The following AP2A2 variants were observed in gnomAD, a reference collection of about 807,000 sequenced individuals.
The protein encoded by AP2A2 is AP-2 complex subunit alpha-2.
AP2A2 carries 32 observed loss-of-function variants against 104.2 expected under a neutral mutation model. The ratio of observed to expected loss-of-function variants is 0.31; its 90% CI spans 0.23 to 0.41. The LOEUF is 0.41. Among genes scored for constraint, AP2A2 ranks in the 10% least tolerant of loss-of-function variants. The pLI is 1.00. For missense variants in AP2A2, 912 were observed against 1,261.0 expected, an observed-to-expected ratio of 0.72 and a Z score of 4.19; for synonymous variants, 539 against 533.3, an observed-to-expected ratio of 1.01 and a Z score of -0.15.
chr11:981,866 G>A (rs949229297), intron 6 of AP2A2, among the ~76,000 whole-genome samples: 1 of 152,244 alleles, frequency 6.6e-6, no homozygotes, highest in Non-Finnish European at 1.5e-5. Flanking sequence ...TGGTTTCCAT[G>A]TGCACGAGAT....
chr11:1,007,871 G>A, intron 17 of AP2A2, 141 bp from the exon 18 acceptor site: 1 of 1,225,914 alleles, frequency 8.2e-7, no homozygotes, highest in Non-Finnish European at 1.2e-6. Context: ...GCCGGGTGGT[G>A]TGGCTGCCCT....
chr11:939,170 G>A lies in AP2A2; in HGVS notation c.67+13082G>A, dbSNP rs185375779. On this transcript the variant is annotated intron_variant, in intron 1 of 21. Transcript: ENST00000448903. Reference sequence around the variant, plus strand: ...GGAGGCTGAGGCAGCAGAATCACTCGAACCCGGGAGGTGGAGGTTGCAGTG... The same window carrying A: ...GGAGGCTGAGGCAGCAGAATCACTCAAACCCGGGAGGTGGAGGTTGCAGTG... Among the ~76,000 whole-genome samples, 309 of 146,918 alleles carry A rather than the reference G, an allele frequency of 2.1e-3. 1 individual carries two copies. The highest frequency in any genetic ancestry group is 7.0e-3 in the African/African-American group (278 of 39,610).
At chr11:926,288 C>A (rs1431163591) in intron 1 of AP2A2, among the ~76,000 whole-genome samples, 200 bp downstream of exon 1, 3 of 130,262 alleles carry the variant, frequency 2.3e-5, no homozygotes, top group Non-Finnish European at 4.9e-5. Context: ...GGGTGGGGGT[C>A]CAGGGTCTGG....
At chr11:951,482 G>A (rs1363523447) in intron 1 of AP2A2, among the ~76,000 whole-genome samples, 3 of 151,526 alleles carry the variant, frequency 2.0e-5, no homozygotes, top group South Asian at 2.1e-4. Context: ...AGCCGAGATC[G>A]TGCCACCACA....
chr11:953,549 C>CG (rs1056607540), intron 1 of AP2A2, among the ~76,000 whole-genome samples: 1 of 111,612 alleles, frequency 9.0e-6, no homozygotes, highest in African/African-American at 2.9e-5. Context: ...GTAAGAGCCC[C>CG]CCCCCCCCAT....
Position 981,494 on chromosome 11 carries a change from G to T in AP2A2, c.705+195G>T, listed in dbSNP as rs564117947. 1.1e-4 allele frequency: 65 copies of T among 568,472 alleles called. No individual in the cohort carries two copies. In the South Asian group the frequency reaches 1.2e-3, roughly 10 times the overall value. 35.2% of individuals were successfully genotyped at this position (568,472 alleles called of 1,614,324 possible). A position where few individuals can be genotyped will look rare whatever the true frequency, so the allele number is the denominator to read the frequency against. On this transcript the variant is annotated intron_variant, in intron 6 of 21. Coordinates refer to ENST00000448903, the MANE Select transcript of AP2A2 (RefSeq NM_012305.4). ...AAGCACAGCTCCCTGTTCCCATGGT[G>T]TGAGTGAGCACCCAACACCATGTGG... is the stretch of plus-strand genomic sequence containing the variant.
intron 5 of AP2A2, among the ~76,000 whole-genome samples, chr11:979,320 C>A (rs1156752629): frequency 6.6e-6 from 1 of 151,378 alleles, no homozygotes; most frequent in Non-Finnish European, 1.5e-5. Flanking sequence ...TACAGACCTG[C>A]AGTTTCTTAC....
chr11:928,255 C>G (rs534628791), intron 1 of AP2A2, among the ~76,000 whole-genome samples: 1 of 152,274 alleles, frequency 6.6e-6, no homozygotes, highest in African/African-American at 2.4e-5. Context: ...TTTAAAGAGA[C>G]CACATTCATA....
intron 6 of AP2A2, 117 bp downstream of exon 6, chr11:981,416 C>T (rs1855236198): frequency 3.4e-6 from 3 of 873,238 alleles, no homozygotes; most frequent in Non-Finnish European, 5.4e-6. Flanking sequence ...GGGATGAAAA[C>T]CAACTTGGCT....
At chr11:947,145 G>C (rs1300148501) in intron 1 of AP2A2, among the ~76,000 whole-genome samples, 1 of 151,840 alleles carries the variant, frequency 6.6e-6, no homozygotes, top group Non-Finnish European at 1.5e-5. Context: ...TGAGTAGCTG[G>C]GATTACAGAC....
intron 14 of AP2A2, chr11:995,405 C>T (rs546379725): frequency 1.1e-5 from 5 of 455,836 alleles, no homozygotes; most frequent in African/African-American, 4.0e-5. Flanking sequence ...CCCCTCTGCA[C>T]TGTCAGGGAG....
At chr11:985,745 G>A in intron 8 of AP2A2, 163 bp downstream of exon 8, 1 of 1,024,886 alleles carries the variant, frequency 9.8e-7, no homozygotes, top group Admixed American at 2.6e-5. Flanking sequence ...TTTCTGTGCA[G>A]CCCGGCCCCT....
In AP2A2 at chr11:1,010,713, G is replaced by A. The variant is rs781444839; in HGVS notation, c.*88G>A. The stretch of plus-strand genomic sequence containing the variant: ...CGTGGCCATCCTGCAGATGAGCACC[G>A]TGTCCAGTGCCACAGCACAAGGCGC... On this transcript the variant is annotated 3_prime_UTR_variant, in exon 22 of 22. Coordinates refer to ENST00000448903, the MANE Select transcript of AP2A2 (RefSeq NM_012305.4). The A allele has an allele frequency of 1.4e-5, 16 of 1,109,324 alleles. No homozygotes were observed. Among genetic ancestry groups the A allele is most frequent in the African/African-American group, 1.2e-4 (8 of 64,302 alleles). The allele number at this position is 1,109,324 out of a possible 1,614,324, so 68.7% of individuals were successfully genotyped here.
intron 18 of AP2A2, chr11:1,008,484 C>T: frequency 3.7e-6 from 1 of 268,804 alleles, no homozygotes; most frequent in Non-Finnish European, 7.0e-6. Flanking sequence ...GTGCAGGCAG[C>T]TGGTTTCCTT....
chr11:949,591 A>C (rs190961316), intron 1 of AP2A2, among the ~76,000 whole-genome samples: 9 of 152,218 alleles, frequency 5.9e-5, no homozygotes, highest in Non-Finnish European at 1.2e-4. Context: ...CCTGGCCAAC[A>C]TGGTGAAACC....
Position 972,208 on chromosome 11 carries a change from G to A in AP2A2, c.426G>A (p.Glu142=), listed in dbSNP as rs1351568821. Residue 142 remains glutamate (E), a synonymous_variant, in exon 4 of 22, where the codon GAG becomes GAA. Transcript: ENST00000448903. ...LHCIASVGSR[E]MAEAFAGEIP... is the part of the protein sequence containing the mutation. ...GCATCGCCAGCGTGGGCAGCCGGGA[G>A]ATGGCCGAGGCCTTCGCCGGGGAGA... 1 of 1,610,892 alleles carries A rather than the reference G, an allele frequency of 6.2e-7. No individual in the cohort carries two copies. Among genetic ancestry groups the A allele is most frequent in the Non-Finnish European group, 8.5e-7 (1 of 1,179,456 alleles).
chr11:988,315 G>A (rs1855530108), intron 9 of AP2A2, among the ~76,000 whole-genome samples: 1 of 152,266 alleles, frequency 6.6e-6, no homozygotes, highest in Admixed American at 6.5e-5. Context: ...AATCCAGGCA[G>A]TGCGCTGGGT....
chr11:957,408 C>G (rs1003298239), intron 1 of AP2A2, among the ~76,000 whole-genome samples: 1 of 152,204 alleles, frequency 6.6e-6, no homozygotes, highest in Non-Finnish European at 1.5e-5. Flanking sequence ...TGTGCAGATT[C>G]TTCCCGGCCT....
At chr11:980,917 T>C (rs1362350816) in intron 5 of AP2A2, among the ~76,000 whole-genome samples, 2 of 152,240 alleles carry the variant, frequency 1.3e-5, no homozygotes, top group African/African-American at 4.8e-5. Context: ...GCCCACATGC[T>C]TGACCTGCAT....
Sources: allele counts gnomAD v4.1 joint callset (sites outside exome capture counted in the v4.1 genomes callset), GRCh38; gene constraint gnomAD v4.1.1; transcripts MANE v1.5; gene names NCBI Gene and HGNC (gene_info 2026-07-23, HGNC 2026-07-21).